OR1F1: variants seen among roughly 807,000 people sequenced by gnomAD.
The protein encoded by OR1F1 is olfactory receptor 1F1.
For missense variants in OR1F1, 493 were observed against 376.3 expected (o/e 1.31, Z -2.57); for synonymous variants, 184 against 156.7 (o/e 1.17, Z -1.30).
the OR1F1 span, among the ~76,000 whole-genome samples, chr16:3,189,965 G>GT: frequency 1.3e-5 from 2 of 151,754 alleles, no homozygotes; most frequent in African/African-American, 4.8e-5. Flanking sequence ...GTTTTGTTTT[G>GT]TTTTTTGTTA....
chr16:3,200,011 C>T (rs1011289783), upstream of OR1F1, among the ~76,000 whole-genome samples: 1 of 149,538 alleles, frequency 6.7e-6, no homozygotes, highest in African/African-American at 2.5e-5. Flanking sequence ...AACAAAACTC[C>T]GTCTCAAAAA....
chr16:3,199,124 A>C, the OR1F1 span, among the ~76,000 whole-genome samples: 1 of 70,748 alleles, frequency 1.4e-5, no homozygotes, highest in South Asian at 3.3e-4. Flanking sequence ...ACAAAAAAAA[A>C]AAAAAAAAAA....
At chr16:3,205,075 T>C in exon 1 of OR1F1, 1 of 1,614,018 alleles carries the variant, frequency 6.2e-7, no homozygotes, top group Non-Finnish European at 8.5e-7. Context: ...GGCTACTGTG[T>C]TGTATACAGT....
the OR1F1 span, among the ~76,000 whole-genome samples, chr16:3,193,979 C>T: frequency 1.3e-5 from 2 of 152,154 alleles, no homozygotes; most frequent in Non-Finnish European, 2.9e-5. Context: ...GGTTCGAGTT[C>T]CACCTGGGGT....
chr16:3,204,598 A>G (rs758952819), exon 1 of OR1F1: 4 of 1,613,994 alleles, frequency 2.5e-6, no homozygotes, highest in Non-Finnish European at 3.4e-6. Context: ...CCTAGCTGTG[A>G]TGGCCTATGA....
the OR1F1 span, among the ~76,000 whole-genome samples, chr16:3,194,616 T>C: frequency 2.0e-5 from 3 of 152,164 alleles, no homozygotes; most frequent in Admixed American, 2.0e-4. Context: ...TGCCAAAGGC[T>C]CTTGGCACTC....
At chr16:3,195,439 G>C in the OR1F1 span, among the ~76,000 whole-genome samples, 896 of 151,952 alleles carry the variant, frequency 5.9e-3, 55 homozygotes, top group East Asian at 0.14. Context: ...CGGTGGCTCA[G>C]AGAGGCAAGG....
At chr16:3,197,357 G>A in the OR1F1 span, among the ~76,000 whole-genome samples, 4 of 152,220 alleles carry the variant, frequency 2.6e-5, no homozygotes, top group South Asian at 6.2e-4. Flanking sequence ...TTGAACAAAT[G>A]TTTTATGTCA....
In OR1F1 at chr16:3,204,467, CCTT is replaced by C. The variant is rs371443638; in HGVS notation, c.223_225del (p.Phe75del). The C allele has an allele frequency of 2.8e-4, 452 of 1,614,154 alleles. No individual in the cohort carries two copies. In the African/African-American group the frequency reaches 5.4e-3, roughly 19 times the overall value. On this transcript the variant is annotated inframe_deletion, in exon 1 of 1. Transcript: ENST00000304646. ...CTGTCTTTTGTGGACATCTGCTTCTCCTTCACCACCGTCCCCAAGATGCTGGCC... is the reference window on the plus strand; with the variant it reads ...CTGTCTTTTGTGGACATCTGCTTCTCCACCACCGTCCCCAAGATGCTGGCC...
upstream of OR1F1, among the ~76,000 whole-genome samples, chr16:3,200,380 G>A (rs947058558): frequency 2.0e-5 from 3 of 152,194 alleles, no homozygotes; most frequent in Non-Finnish European, 4.4e-5. Context: ...GCCGAGAGGG[G>A]CGGATCACTT....
the OR1F1 span, among the ~76,000 whole-genome samples, chr16:3,190,231 C>G: frequency 6.6e-6 from 1 of 152,034 alleles, no homozygotes; most frequent in Non-Finnish European, 1.5e-5. Flanking sequence ...TGCGTGTAGC[C>G]TCTTGGGGCT....
chr16:3,198,067 A>G, the OR1F1 span, among the ~76,000 whole-genome samples: 25 of 87,986 alleles, frequency 2.8e-4, no homozygotes, highest in African/African-American at 7.3e-4. Context: ...GAGAGGGAGA[A>G]GGAGAGGGAG....
downstream of OR1F1, among the ~76,000 whole-genome samples, chr16:3,205,670 T>C (rs893457357): frequency 3.3e-5 from 5 of 152,208 alleles, no homozygotes; most frequent in Non-Finnish European, 7.3e-5. Context: ...TTCTTACGCC[T>C]GTCTTTACTG....
chr16:3,205,176 T>G lies in OR1F1; in HGVS notation c.930T>G (p.Phe310Leu), dbSNP rs1958190721. The G allele has an allele frequency of 1.2e-6, 2 of 1,605,348 alleles. No homozygotes were observed. The highest frequency in any genetic ancestry group is 1.7e-6 in the Non-Finnish European group (2 of 1,173,904). ...AAAAAGTAGTTGGCAGGGTGGTGTT[T>G]TCTGTCTGATGAAATAATCAAGACT... The change falls in exon 1 of 1, where the codon TTT becomes TTG. Residue 310 changes from phenylalanine to leucine, a missense_variant. By Grantham distance (22) the Phe-to-Leu change is conservative. Coordinates refer to ENST00000304646, the Ensembl canonical transcript of OR1F1.
In OR1F1 at chr16:3,205,016, C is replaced by G. The variant is rs905238628; in HGVS notation, c.770C>G (p.Ala257Gly). The change falls in exon 1 of 1, where the codon GCT becomes GGT. Residue 257 changes from alanine (A) to glycine (G), a missense_variant. Physicochemically the swap from Ala to Gly is moderately conservative, Grantham distance 60. Coordinates refer to ENST00000304646, the Ensembl canonical transcript of OR1F1. ...CTCCTCTTCTACAGCACCATCATTG[C>G]TGTGTATTTTAACCCTCTGTCCTCC... is the stretch of plus-strand genomic sequence containing the variant. 1.9e-6 allele frequency: 3 copies of G among 1,614,012 alleles called. No homozygotes were observed. In the African/African-American group the frequency reaches 4.0e-5, roughly 22 times the overall value.
At chr16:3,191,007 ACAGCT>A in the OR1F1 span, among the ~76,000 whole-genome samples, 1 of 152,182 alleles carries the variant, frequency 6.6e-6, no homozygotes, top group Non-Finnish European at 1.5e-5. Context: ...TGGAAACGGA[ACAGCT>A]ACATGCACGT....
chr16:3,194,004 C>T, the OR1F1 span, among the ~76,000 whole-genome samples: 1 of 152,132 alleles, frequency 6.6e-6, no homozygotes, highest in Admixed American at 6.5e-5. Flanking sequence ...CAACACCGAC[C>T]GTAGGTGACT....
rs1423022113 is a variant in OR1F1 at position 3,205,137 on chromosome 16, G to GA, written c.894dup (p.Gly299ArgfsTer?). ...TCTACAGCCTGAGGAACAGGTACTT[G>GA]AAAGGGGCTCTGAAAAAAGTAGTTG... On this transcript the variant is annotated frameshift_variant, in exon 1 of 1. Coordinates refer to ENST00000304646, the Ensembl canonical transcript of OR1F1. LOFTEE classifies it low-confidence loss of function (END_TRUNC). 6.2e-7 allele frequency: 1 copy of GA among 1,613,030 alleles called. No individual in the cohort carries two copies. Among genetic ancestry groups the GA allele is most frequent in the Non-Finnish European group, 8.5e-7 (1 of 1,179,308 alleles).
the OR1F1 span, among the ~76,000 whole-genome samples, chr16:3,196,916 G>C: frequency 3.3e-5 from 5 of 151,802 alleles, no homozygotes; most frequent in African/African-American, 1.2e-4. Context: ...TCACTCTGTT[G>C]ACCAGGCTGG....
Sources: allele counts gnomAD v4.1 joint callset (sites outside exome capture counted in the v4.1 genomes callset), GRCh38; gene constraint gnomAD v4.1.1; transcripts MANE v1.5; gene names NCBI Gene and HGNC (gene_info 2026-07-23, HGNC 2026-07-21).